ARHGEF7: variants seen among roughly 807,000 people sequenced by gnomAD.
ARHGEF7 encodes Rho guanine nucleotide exchange factor 7.
In ARHGEF7, 33 loss-of-function variants were observed where a neutral mutation model predicts 109.8. The ratio of observed to expected loss-of-function variants is 0.30; its 90% CI spans 0.23 to 0.40. The LOEUF is 0.40. Ranked by LOEUF, ARHGEF7 falls within the 10% of genes least tolerant of loss-of-function variation. ARHGEF7 has a pLI of 1.00. For missense variants in ARHGEF7, 938 were observed against 1,098.5 expected (o/e 0.85, Z 2.07); for synonymous variants, 458 against 424.6 (o/e 1.08, Z -0.97).
At chr13:111,139,137 A>G (rs950077689) in intron 1 of ARHGEF7, among the ~76,000 whole-genome samples, 2 of 152,226 alleles carry the variant, frequency 1.3e-5, no homozygotes, top group East Asian at 3.8e-4. Flanking sequence ...GATGGGCTCA[A>G]AGGTACAGTA....
At chr13:111,275,304 C>T (rs1018975905) in intron 11 of ARHGEF7, among the ~76,000 whole-genome samples, 19 of 152,172 alleles carry the variant, frequency 1.2e-4, no homozygotes, top group Non-Finnish European at 2.4e-4. Context: ...TAAAATAATA[C>T]TTAGTATTCC....
chr13:111,129,082 A>C (rs1300963310), intron 1 of ARHGEF7, among the ~76,000 whole-genome samples: 1 of 152,234 alleles, frequency 6.6e-6, no homozygotes, highest in Non-Finnish European at 1.5e-5. Flanking sequence ...ACTGATTTTC[A>C]ACAAAGGTGC....
chr13:111,115,038 G>T (rs1309161668), upstream of ARHGEF7: 1 of 151,664 alleles, frequency 6.6e-6, no homozygotes, highest in Non-Finnish European at 1.5e-5. Flanking sequence ...GGCGCGGGGC[G>T]CACGGCGGGC....
At chr13:111,279,132 T>C (rs2092647671) in intron 13 of ARHGEF7, among the ~76,000 whole-genome samples, 1 of 152,228 alleles carries the variant, frequency 6.6e-6, no homozygotes, top group Admixed American at 6.5e-5. Flanking sequence ...TCATTTTCTG[T>C]AGGACTTACA....
At chr13:111,128,809 C>G (rs780430964) in intron 1 of ARHGEF7, among the ~76,000 whole-genome samples, 3 of 152,158 alleles carry the variant, frequency 2.0e-5, no homozygotes, top group African/African-American at 7.2e-5. Context: ...CTGTTCTATT[C>G]ATATTGATCT....
At chr13:111,191,700 G>GGGGA (rs1427210529) in intron 2 of ARHGEF7, among the ~76,000 whole-genome samples, 1 of 152,126 alleles carries the variant, frequency 6.6e-6, no homozygotes, top group Non-Finnish European at 1.5e-5. Context: ...GCTAGTGGAA[G>GGGGA]GGGAGGGGTG....
chr13:111,241,321 G>T, intron 6 of ARHGEF7: 1 of 1,536,212 alleles, frequency 6.5e-7, no homozygotes, highest in South Asian at 1.2e-5. Context: ...AGAAGACGAG[G>T]AGGGGAAGAA....
chr13:111,171,623 A>T (rs956709593), intron 2 of ARHGEF7, among the ~76,000 whole-genome samples: 1 of 152,166 alleles, frequency 6.6e-6, no homozygotes, highest in Non-Finnish European at 1.5e-5. Context: ...CATCAGTGTG[A>T]TCTTTGAAGT....
chr13:111,154,053 G>T, intron 2 of ARHGEF7, 62 bp downstream of exon 2: 1 of 1,487,264 alleles, frequency 6.7e-7, no homozygotes, highest in South Asian at 1.3e-5. Context: ...GCCCGGGGTG[G>T]GTGCTTCGCT....
intron 2 of ARHGEF7, among the ~76,000 whole-genome samples, chr13:111,192,478 G>C (rs1443483515): frequency 6.6e-6 from 1 of 152,230 alleles, no homozygotes; most frequent in Non-Finnish European, 1.5e-5. Context: ...TGATGAAGTA[G>C]GACGTCATTT....
At chr13:111,164,453 C>T (rs576307789) in intron 2 of ARHGEF7, among the ~76,000 whole-genome samples, 1 of 152,352 alleles carries the variant, frequency 6.6e-6, no homozygotes, top group African/African-American at 2.4e-5. Context: ...GGTGACAGGG[C>T]CTGCCTCGTG....
intron 1 of ARHGEF7, among the ~76,000 whole-genome samples, chr13:111,125,487 C>A (rs186701422): frequency 6.6e-6 from 1 of 151,792 alleles, no homozygotes; most frequent in Admixed American, 6.6e-5. Flanking sequence ...ACGTAAGCCT[C>A]GTCCAGTTTA....
At chr13:111,141,773 T>C (rs955731663) in intron 1 of ARHGEF7, among the ~76,000 whole-genome samples, 3 of 152,216 alleles carry the variant, frequency 2.0e-5, no homozygotes, top group African/African-American at 7.2e-5. Context: ...TGAAGAAAGT[T>C]GCTATAAACA....
At chr13:111,201,975 A>G (rs1461079027) in intron 2 of ARHGEF7, among the ~76,000 whole-genome samples, 1 of 152,210 alleles carries the variant, frequency 6.6e-6, no homozygotes. Context: ...TTCTATTGAG[A>G]GCAAAATACC....
At chr13:111,274,593 A>G in intron 10 of ARHGEF7, 138 bp from the exon 11 acceptor site, 1 of 434,024 alleles carries the variant, frequency 2.3e-6, no homozygotes. Context: ...TGAAAGACTG[A>G]CACTTTAATG....
chr13:111,233,607 T>C (rs941626045), intron 6 of ARHGEF7, among the ~76,000 whole-genome samples: 3 of 152,234 alleles, frequency 2.0e-5, no homozygotes, highest in African/African-American at 4.8e-5. Context: ...ATGTATAATG[T>C]GATTTGAAAA....
chr13:111,304,235 G>C lies in ARHGEF7; in HGVS notation c.*1122G>C, dbSNP rs1267324573. 1 of 152,276 alleles carries C rather than the reference G, an allele frequency of 6.6e-6. No individual in the cohort carries two copies. The highest frequency in any genetic ancestry group is 1.5e-5 in the Non-Finnish European group (1 of 68,074). The allele number at this position is 152,276 out of a possible 1,614,324, so 9.4% of individuals were successfully genotyped here. On this transcript the variant is annotated 3_prime_UTR_variant, in exon 22 of 22. Transcript: ENST00000646102. Reference sequence around the variant, plus strand: ...AAGCAGGGAACGTTTCCCCCACTGTGTTCCAGTGCAGAGGAGACGAAGCCT... The same window carrying C: ...AAGCAGGGAACGTTTCCCCCACTGTCTTCCAGTGCAGAGGAGACGAAGCCT...
intron 2 of ARHGEF7, among the ~76,000 whole-genome samples, chr13:111,177,452 T>C (rs936234416): frequency 5.3e-5 from 8 of 152,126 alleles, no homozygotes; most frequent in African/African-American, 1.9e-4. Flanking sequence ...GTGGAGTCAG[T>C]GTGTTCTGAA....
chr13:111,120,797 G>A (rs1008745645), intron 1 of ARHGEF7, among the ~76,000 whole-genome samples: 3 of 152,194 alleles, frequency 2.0e-5, no homozygotes, highest in East Asian at 1.9e-4. Flanking sequence ...GTTTGCAGGC[G>A]CTGTCCCTCG....
Sources: gnomAD v4.1 joint callset for allele counts (sites outside exome capture counted in the v4.1 genomes callset) on GRCh38, gnomAD v4.1.1 for gene constraint, MANE v1.5 for transcripts, NCBI Gene and HGNC (gene_info 2026-07-23, HGNC 2026-07-21) for gene names.